The following DACH2 variants were observed in gnomAD, a reference collection of about 807,000 sequenced individuals.
DACH2 encodes dachshund family transcription factor 2.
A neutral mutation model predicts 35.8 loss-of-function variants in DACH2; 17 were observed. The observed-to-expected ratio is 0.48, with a 90% CI of 0.33 to 0.71. DACH2 has a LOEUF of 0.71. Among genes scored for constraint, DACH2 ranks in the 30% least tolerant of loss-of-function variants. The probability of loss-of-function intolerance (pLI) is 0.02; values close to 1 mark genes in which losing one functional copy is unlikely to be tolerated. For missense variants in DACH2, 469 were observed against 472.7 expected (o/e 0.99, Z 0.07); for synonymous variants, 195 against 177.3 (o/e 1.10, Z -0.79).
intron 1 of DACH2, among the ~76,000 whole-genome samples, chrX:86,298,450 C>T (rs924606030): frequency 4.5e-5 from 5 of 112,089 alleles, no homozygotes; most frequent in Non-Finnish European, 7.5e-5. Flanking sequence ...TTTGCTCTAA[C>T]GATATCTCAC....
intron 3 of DACH2, among the ~76,000 whole-genome samples, chrX:86,517,694 G>T (rs977531311): frequency 3.6e-5 from 4 of 111,137 alleles, no homozygotes; most frequent in African/African-American, 1.3e-4. Context: ...CTGGGATTAC[G>T]GTTGTGAGCC....
chrX:86,528,463 A>G (rs1016450925), intron 3 of DACH2, among the ~76,000 whole-genome samples: 1 of 111,813 alleles, frequency 8.9e-6, no homozygotes, highest in Admixed American at 9.6e-5. Context: ...ACAAGAGATA[A>G]AAGACCCATG....
intron 2 of DACH2, among the ~76,000 whole-genome samples, chrX:86,495,295 T>G (rs1205972599): frequency 9.1e-6 from 1 of 109,875 alleles, no homozygotes; most frequent in East Asian, 2.9e-4. Flanking sequence ...CCTGAACTTC[T>G]GATCCACCCG....
chrX:86,493,131 T>G (rs1458697079), intron 2 of DACH2, among the ~76,000 whole-genome samples: 2 of 111,707 alleles, frequency 1.8e-5, no homozygotes, highest in African/African-American at 6.5e-5. Context: ...TGTTTTGTTT[T>G]TTTGTTTTTT....
chrX:86,637,206 CAAAAAAAAAAAAAAAAAAAAAAAAAA>C (rs772970002), intron 3 of DACH2, among the ~76,000 whole-genome samples: 2 of 7,764 alleles, frequency 2.6e-4, no homozygotes, highest in African/African-American at 7.8e-4. Flanking sequence ...ACTGAAAAGC[CAAAAAAAAAAAAAAAAAAAAAAAAAA>C]AAAAAAAAAA....
At chrX:86,657,640 T>G (rs2040558570) in intron 4 of DACH2, among the ~76,000 whole-genome samples, 1 of 111,228 alleles carries the variant, frequency 9.0e-6, no homozygotes, top group African/African-American at 3.3e-5. Context: ...GAAAGGACAA[T>G]TTTTGGTTCT....
intron 3 of DACH2, among the ~76,000 whole-genome samples, chrX:86,548,434 G>T (rs1386642050): frequency 8.9e-6 from 1 of 111,982 alleles, no homozygotes; most frequent in South Asian, 3.7e-4. Context: ...ACGGGAAATT[G>T]ATTAAATGCA....
chrX:86,516,525 C>G (rs1003154658), intron 3 of DACH2, among the ~76,000 whole-genome samples: 3 of 111,052 alleles, frequency 2.7e-5, no homozygotes, highest in Admixed American at 1.9e-4. Context: ...TTAAGGTAAA[C>G]AATCTATGGC....
At chrX:86,441,075 T>C (rs1172434248) in intron 2 of DACH2, among the ~76,000 whole-genome samples, 1 of 111,261 alleles carries the variant, frequency 9.0e-6, no homozygotes, top group African/African-American at 3.3e-5. Context: ...TGTTTATGAG[T>C]AAATGGTAGG....
chrX:86,633,631 G>A (rs926930562), intron 3 of DACH2, among the ~76,000 whole-genome samples: 7 of 111,192 alleles, frequency 6.3e-5, no homozygotes, highest in African/African-American at 2.3e-4. Context: ...CCTGAATTCC[G>A]AAGACAGACA....
chrX:86,666,484 AGAGTGTATTTGACATT>A (rs1387424004), intron 4 of DACH2, among the ~76,000 whole-genome samples: 1 of 111,827 alleles, frequency 8.9e-6, no homozygotes, highest in Non-Finnish European at 1.9e-5. Flanking sequence ...GTGAAATAAG[AGAGTGTATTTGACATT>A]AAGTTGGGAA....
chrX:86,624,047 CAAAAAAACAAAACAAAAA>C (rs1325252411), intron 3 of DACH2, among the ~76,000 whole-genome samples: 5 of 16,341 alleles, frequency 3.1e-4, no homozygotes, highest in African/African-American at 1.1e-3. Context: ...AACTCCGTCT[CAAAAAAACAAAACAAAAA>C]AAAAAAAAAA....
chrX:86,317,437 A>T (rs1331773556), intron 1 of DACH2, among the ~76,000 whole-genome samples: 4 of 112,150 alleles, frequency 3.6e-5, no homozygotes, highest in Admixed American at 2.8e-4. Flanking sequence ...ACACAGCTGG[A>T]GATTTGTGGT....
At chrX:86,817,027 G>A (rs2042460293) in intron 11 of DACH2, among the ~76,000 whole-genome samples, 1 of 111,473 alleles carries the variant, frequency 9.0e-6, no homozygotes, top group Non-Finnish European at 1.9e-5. Context: ...ATATCCATTT[G>A]GGTTCATCTA....
chrX:86,738,959 A>G (rs1242823507), intron 6 of DACH2, among the ~76,000 whole-genome samples: 2 of 110,985 alleles, frequency 1.8e-5, no homozygotes, highest in Non-Finnish European at 3.8e-5. Flanking sequence ...TGCAATGTCC[A>G]CCTCTTGGGT....
intron 3 of DACH2, among the ~76,000 whole-genome samples, chrX:86,543,474 A>G (rs982985723): frequency 1.8e-5 from 2 of 111,376 alleles, no homozygotes; most frequent in African/African-American, 6.5e-5. Context: ...GTTCTAAACC[A>G]TGCTGACATG....
At chrX:86,362,984 C>A (rs1489418889) in intron 1 of DACH2, among the ~76,000 whole-genome samples, 1 of 110,717 alleles carries the variant, frequency 9.0e-6, no homozygotes, top group Non-Finnish European at 1.9e-5. Flanking sequence ...CTTCAAAGCA[C>A]TGTGGGTACT....
At chrX:86,209,885 C>T (rs1306755401) in intron 1 of DACH2, among the ~76,000 whole-genome samples, 1 of 111,291 alleles carries the variant, frequency 9.0e-6, no homozygotes, top group African/African-American at 3.3e-5. Context: ...AAGACTATAT[C>T]CTGTCATTCT....
intron 1 of DACH2, among the ~76,000 whole-genome samples, chrX:86,274,327 G>T (rs1416638798): frequency 1.8e-5 from 2 of 110,503 alleles, no homozygotes; most frequent in Non-Finnish European, 3.8e-5. Flanking sequence ...GGAAATGATT[G>T]CAAAACTGAC....
Sources: gnomAD v4.1 joint callset for allele counts (sites outside exome capture counted in the v4.1 genomes callset) on GRCh38, gnomAD v4.1.1 for gene constraint, MANE v1.5 for transcripts, NCBI Gene and HGNC (gene_info 2026-07-23, HGNC 2026-07-21) for gene names.